The following CCSER1 variants were observed in gnomAD, a reference collection of about 807,000 sequenced individuals.
CCSER1 encodes serine-rich coiled-coil domain-containing protein 1.
In CCSER1, 41 loss-of-function variants were observed where a neutral mutation model predicts 82.0. The ratio of observed to expected loss-of-function variants is 0.50; its 90% confidence interval spans 0.39 to 0.65. The LOEUF (loss-of-function observed/expected upper bound fraction) is 0.65. CCSER1 is among the 30% of genes least tolerant of loss of function. The probability of loss-of-function intolerance (pLI) is 0.00; values close to 1 mark genes in which losing one functional copy is unlikely to be tolerated. For missense variants in CCSER1, 1,119 were observed against 1,064.2 expected, an observed-to-expected ratio of 1.05 and a Z score of -0.72; for synonymous variants, 414 against 383.9, an observed-to-expected ratio of 1.08 and a Z score of -0.92.
At chr4:91,469,327 T>C (rs1240324049) in intron 10 of CCSER1, among the ~76,000 whole-genome samples, 1 of 152,208 alleles carries the variant, frequency 6.6e-6, no homozygotes, top group African/African-American at 2.4e-5. Context: ...CAGTAGAACA[T>C]AGTTTTTAAA....
At chr4:90,286,794 TA>T (rs1360201862) in intron 1 of CCSER1, among the ~76,000 whole-genome samples, 1 of 152,012 alleles carries the variant, frequency 6.6e-6, no homozygotes, top group Non-Finnish European at 1.5e-5. Flanking sequence ...CATTAACTTA[TA>T]AACAGATTTT....
At chr4:90,252,810 A>G (rs1377704985) in intron 1 of CCSER1, among the ~76,000 whole-genome samples, 1 of 151,886 alleles carries the variant, frequency 6.6e-6, no homozygotes, top group Non-Finnish European at 1.5e-5. Context: ...CAATTGTTCA[A>G]TGTGTCTATT....
At chr4:90,975,794 A>T (rs1367797930) in intron 9 of CCSER1, among the ~76,000 whole-genome samples, 1 of 151,340 alleles carries the variant, frequency 6.6e-6, no homozygotes, top group Non-Finnish European at 1.5e-5. Flanking sequence ...GAGATATCCT[A>T]TGTATATTTG....
chr4:90,854,439 T>A (rs963539412), intron 8 of CCSER1, among the ~76,000 whole-genome samples: 7 of 152,180 alleles, frequency 4.6e-5, no homozygotes, highest in African/African-American at 1.7e-4. Context: ...TTATAAACAA[T>A]TATCCACTCT....
At chr4:90,787,594 A>G (rs988122586) in intron 7 of CCSER1, among the ~76,000 whole-genome samples, 8 of 152,184 alleles carry the variant, frequency 5.3e-5, no homozygotes, top group Admixed American at 1.3e-4. Context: ...TTAATAAGGC[A>G]CAGATGGAAT....
intron 1 of CCSER1, among the ~76,000 whole-genome samples, chr4:90,173,333 T>A: frequency 7.4e-6 from 1 of 135,282 alleles, no homozygotes; most frequent in Non-Finnish European, 1.5e-5. Flanking sequence ...CAATTGTGTT[T>A]TTTTTCAAAA....
intron 4 of CCSER1, among the ~76,000 whole-genome samples, chr4:90,442,682 T>C (rs1760061350): frequency 6.6e-6 from 1 of 152,184 alleles, no homozygotes; most frequent in East Asian, 1.9e-4. Context: ...AGTGAGCCCT[T>C]GGTTCATGTA....
chr4:91,497,796 C>T lies in CCSER1; in HGVS notation c.2218-100776C>T, dbSNP rs141231217. Among the ~76,000 whole-genome samples the T allele has an allele frequency of 2.5e-3, 377 of 151,878 alleles. 4 individuals carry two copies. Among genetic ancestry groups the T allele is most frequent in the Non-Finnish European group, 3.7e-3 (254 of 67,824 alleles). The stretch of plus-strand genomic sequence containing the variant: ...CTTTAAAAAGTTATTAGTGACAGGA[C>T]CAGTAAGACTAAATGAACTGATATT... On this transcript the variant is annotated intron_variant, in intron 10 of 10. Transcript: ENST00000509176.
intron 1 of CCSER1, among the ~76,000 whole-genome samples, chr4:90,279,343 G>C (rs1728486608): frequency 6.6e-6 from 1 of 151,980 alleles, no homozygotes. Flanking sequence ...ATAAGAATAA[G>C]AATATGGATT....
chr4:90,348,389 T>A (rs1015138806), intron 3 of CCSER1, among the ~76,000 whole-genome samples: 2 of 152,238 alleles, frequency 1.3e-5, no homozygotes, highest in African/African-American at 4.8e-5. Context: ...AATATTATTT[T>A]ACTATGTTCT....
At chr4:90,315,168 A>G (rs1251271531) in intron 3 of CCSER1, among the ~76,000 whole-genome samples, 1 of 152,048 alleles carries the variant, frequency 6.6e-6, no homozygotes, top group Non-Finnish European at 1.5e-5. Flanking sequence ...CGCTTTTAAG[A>G]TTTAAAACTT....
chr4:91,137,883 G>A (rs1728642701), intron 10 of CCSER1, among the ~76,000 whole-genome samples: 1 of 132,372 alleles, frequency 7.6e-6, no homozygotes, highest in Non-Finnish European at 1.6e-5. Context: ...TACAAGGGAT[G>A]TGAAGGACCT....
At chr4:90,965,407 G>A (rs893970496) in intron 9 of CCSER1, among the ~76,000 whole-genome samples, 3 of 152,212 alleles carry the variant, frequency 2.0e-5, no homozygotes, top group Middle Eastern at 3.4e-3. Flanking sequence ...ACCTCTGGGT[G>A]ACCTTGAGTT....
At chr4:91,050,565 AT>A (rs1742922052) in intron 9 of CCSER1, among the ~76,000 whole-genome samples, 1 of 152,198 alleles carries the variant, frequency 6.6e-6, no homozygotes, top group South Asian at 2.1e-4. Flanking sequence ...GATAACATAA[AT>A]TTTGTATTTA....
At chr4:90,929,889 AAGAT>A (rs1222286561) in intron 9 of CCSER1, among the ~76,000 whole-genome samples, 1 of 152,186 alleles carries the variant, frequency 6.6e-6, no homozygotes, top group Non-Finnish European at 1.5e-5. Flanking sequence ...ACTACAAAAA[AAGAT>A]AAGTAATGGG....
intron 5 of CCSER1, among the ~76,000 whole-genome samples, chr4:90,555,650 C>CT (rs1387471831): frequency 6.6e-6 from 1 of 151,856 alleles, no homozygotes; most frequent in Non-Finnish European, 1.5e-5. Flanking sequence ...AATGATGTGC[C>CT]TTTATTATTG....
intron 1 of CCSER1, among the ~76,000 whole-genome samples, chr4:90,226,004 T>C (rs1022174058): frequency 6.6e-6 from 1 of 152,216 alleles, no homozygotes; most frequent in African/African-American, 2.4e-5. Flanking sequence ...TTTCACTCTC[T>C]TGGACCCCTA....
chr4:90,869,925 T>C (rs929996148), intron 8 of CCSER1, among the ~76,000 whole-genome samples: 14 of 151,842 alleles, frequency 9.2e-5, no homozygotes, highest in African/African-American at 3.1e-4. Context: ...TTTACTTCTC[T>C]TGTTAATTCC....
rs1323976781 is a variant in CCSER1, at chr4:90,271,870, T to A, written c.-41-36374T>A. On this transcript the variant is annotated intron_variant, in intron 1 of 10. Transcript: ENST00000509176. Reference sequence around the variant, plus strand: ...TATATATATATATATATATTTTTTTTTTTTTTTTTTTTTTTTTTTTAAAAG... The same window carrying A: ...TATATATATATATATATATTTTTTTATTTTTTTTTTTTTTTTTTTTAAAAG... Among the ~76,000 whole-genome samples the A allele has an allele frequency of 4.4e-3, 309 of 70,354 alleles. 4 individuals carry two copies. Among genetic ancestry groups the A allele is most frequent in the African/African-American group, 0.016 (189 of 12,130 alleles). The allele number at this position is 70,354 out of a possible 152,430, so 46.2% of individuals were successfully genotyped here.
Sources: gnomAD v4.1 joint callset for allele counts (sites outside exome capture counted in the v4.1 genomes callset) on GRCh38, gnomAD v4.1.1 for gene constraint, MANE v1.5 for transcripts, NCBI Gene and HGNC (gene_info 2026-07-23, HGNC 2026-07-21) for gene names.